The following ADAMTS20 variants were observed in gnomAD, a reference collection of about 807,000 sequenced individuals.
ADAMTS20 encodes ADAM metallopeptidase with thrombospondin type 1 motif 20, also known as A disintegrin and metalloproteinase with thrombospondin motifs 20.
A neutral mutation model predicts 260.1 loss-of-function variants in ADAMTS20; 225 were observed. The observed-to-expected ratio is 0.87, with a 90% CI of 0.78 to 0.97. The LOEUF (loss-of-function observed/expected upper bound fraction) is 0.97, where lower values mean the gene tolerates loss of function less well. Ranked by LOEUF, ADAMTS20 falls within the 50% of genes least tolerant of loss-of-function variation. ADAMTS20 has a pLI of 0.00. For missense variants in ADAMTS20, 2,400 were observed against 2,337.7 expected (o/e 1.03, Z -0.55); for synonymous variants, 802 against 769.5 (o/e 1.04, Z -0.70).
intron 29 of ADAMTS20, among the ~76,000 whole-genome samples, chr12:43,398,591 A>C (rs1303280227): frequency 6.6e-6 from 1 of 152,168 alleles, no homozygotes; most frequent in African/African-American, 2.4e-5. Flanking sequence ...GGTAGAAACA[A>C]GGCAGTTACT....
intron 14 of ADAMTS20, among the ~76,000 whole-genome samples, chr12:43,451,353 C>T (rs1332529942): frequency 6.6e-6 from 1 of 152,160 alleles, no homozygotes; most frequent in Non-Finnish European, 1.5e-5. Context: ...ATCTCATCTG[C>T]TCTGACCTAC....
At chr12:43,543,008 C>T (rs566536582) in intron 2 of ADAMTS20, among the ~76,000 whole-genome samples, 1 of 152,222 alleles carries the variant, frequency 6.6e-6, no homozygotes, top group Non-Finnish European at 1.5e-5. Flanking sequence ...AGGATCCCAG[C>T]CAAAACCAAG....
intron 31 of ADAMTS20, among the ~76,000 whole-genome samples, chr12:43,379,986 CA>C (rs60877406): frequency 0.1 from 14,696 of 144,334 alleles, 1,651 homozygotes; most frequent in African/African-American, 0.28. Context: ...ACAGACATCA[CA>C]AAAAAAAAAA....
intron 29 of ADAMTS20, among the ~76,000 whole-genome samples, chr12:43,389,631 G>C (rs1940555492): frequency 6.6e-6 from 1 of 152,226 alleles, no homozygotes; most frequent in South Asian, 2.1e-4. Context: ...TAGTGGTCTG[G>C]GGTCATGGGG....
chr12:43,495,526 ATACATAATGCTAGTTCTAG>A (rs1942665242), intron 4 of ADAMTS20, among the ~76,000 whole-genome samples: 1 of 152,236 alleles, frequency 6.6e-6, no homozygotes, highest in African/African-American at 2.4e-5. Context: ...AGATATAGAT[ATACATAATGCTAGTTCTAG>A]TACATGTGTT....
At chr12:43,441,134 C>A (rs1941658752) in intron 16 of ADAMTS20, among the ~76,000 whole-genome samples, 3 of 151,724 alleles carry the variant, frequency 2.0e-5, no homozygotes, top group Non-Finnish European at 4.4e-5. Context: ...CTATGCCATT[C>A]TCTATACAAA....
intron 12 of ADAMTS20, among the ~76,000 whole-genome samples, 192 bp from the exon 13 acceptor site, chr12:43,452,887 G>A (rs1340109110): frequency 6.6e-6 from 1 of 152,024 alleles, no homozygotes; most frequent in East Asian, 1.9e-4. Context: ...ACCTTAACGT[G>A]GACAGTGAGC....
intron 3 of ADAMTS20, among the ~76,000 whole-genome samples, chr12:43,526,100 C>A (rs1943138121): frequency 1.3e-5 from 2 of 152,210 alleles, no homozygotes; most frequent in Non-Finnish European, 2.9e-5. Context: ...GCACATGGAA[C>A]ATTTTCTAAG....
intron 7 of ADAMTS20, among the ~76,000 whole-genome samples, chr12:43,485,742 A>G (rs549429548): frequency 7.4e-4 from 113 of 152,250 alleles, no homozygotes; most frequent in Non-Finnish European, 2.6e-4. Context: ...CCAAATCAAC[A>G]TACACAAATC....
chr12:43,409,907 A>T (rs1475908207), intron 28 of ADAMTS20, among the ~76,000 whole-genome samples: 1 of 152,228 alleles, frequency 6.6e-6, no homozygotes, highest in Non-Finnish European at 1.5e-5. Flanking sequence ...ACAAGGGCAC[A>T]TTCAATAGGG....
At chr12:43,425,782 T>C in intron 27 of ADAMTS20, 92 bp from the exon 28 acceptor site, 2 of 850,662 alleles carry the variant, frequency 2.4e-6, no homozygotes, top group Admixed American at 3.8e-5. Context: ...AGTAATTATG[T>C]TTATTCTAGT....
Position 43,552,026 on chromosome 12 carries a change from C to T in ADAMTS20, c.-105G>A, listed in dbSNP as rs1456362868. ...CCTCTCCTCCCTCTCGCCCGCCGCT[C>T]TCCGCGCCTCAGCAGCCTAGGGAAC... On this transcript the variant is annotated 5_prime_UTR_variant, in exon 1 of 39. Coordinates refer to ENST00000389420, the MANE Select transcript of ADAMTS20 (RefSeq NM_025003.5). The T allele has an allele frequency of 1.0e-6, 1 of 966,318 alleles. No homozygotes were observed. 59.9% of individuals were successfully genotyped at this position (966,318 alleles called of 1,614,324 possible). A position where few individuals can be genotyped will look rare whatever the true frequency, so the allele number is the denominator to read the frequency against.
intron 23 of ADAMTS20, 133 bp from the exon 24 acceptor site, chr12:43,429,857 T>A: frequency 1.7e-6 from 1 of 595,612 alleles, no homozygotes; most frequent in African/African-American, 1.9e-5. Flanking sequence ...ATGAATGTTT[T>A]CATTTTCAAA....
chr12:43,390,449 A>G (rs1325109008), intron 29 of ADAMTS20, among the ~76,000 whole-genome samples: 1 of 152,178 alleles, frequency 6.6e-6, no homozygotes, highest in African/African-American at 2.4e-5. Context: ...CTTTTTTATT[A>G]ACAACTCCAT....
At position 43,427,388 on chromosome 12, in the gene ADAMTS20, C is replaced by T. The variant is rs374908169; in HGVS notation, c.4027G>A (p.Asp1343Asn). 49 of 1,613,822 alleles carry T rather than the reference C, an allele frequency of 3.0e-5. No individual in the cohort carries two copies. In the South Asian group the frequency reaches 3.2e-4, roughly 10 times the overall value. Residue 1343 changes from aspartate (D) to asparagine (N), a missense_variant, in exon 27 of 39, where the codon GAT (aspartate) becomes AAT (asparagine). By Grantham distance (23) the Asp-to-Asn change is conservative (BLOSUM62 1). Transcript: ENST00000389420. ...DENGQSASYC[D>N]AASKPPELQQ... ...AACTCTGGAGGCTTGGAGGCTGCAT[C>T]GCAGTAACTAGCACTTTGTCCATTT...
At chr12:43,531,211 G>C (rs1592112698) in intron 3 of ADAMTS20, among the ~76,000 whole-genome samples, 1 of 151,730 alleles carries the variant, frequency 6.6e-6, no homozygotes, top group South Asian at 2.1e-4. Flanking sequence ...AAGCAAAAAA[G>C]ATAAATCACA....
intron 37 of ADAMTS20, among the ~76,000 whole-genome samples, chr12:43,358,756 G>A (rs970931479): frequency 1.7e-4 from 25 of 145,144 alleles, no homozygotes; most frequent in Admixed American, 7.1e-5. Flanking sequence ...AGAATGGCGT[G>A]AACCCGGGAG....
chr12:43,369,930 G>C (rs1940070786), intron 36 of ADAMTS20, among the ~76,000 whole-genome samples: 1 of 151,658 alleles, frequency 6.6e-6, no homozygotes, highest in Admixed American at 6.6e-5. Flanking sequence ...TTTCCTGACT[G>C]GTAATAATGC....
intron 28 of ADAMTS20, among the ~76,000 whole-genome samples, chr12:43,411,779 C>T (rs1482965079): frequency 6.6e-6 from 1 of 152,130 alleles, no homozygotes; most frequent in Non-Finnish European, 1.5e-5. Context: ...TATAAAGAAA[C>T]ATTTCCTCAA....
Sources: gnomAD v4.1 joint callset for allele counts (sites outside exome capture counted in the v4.1 genomes callset) on GRCh38, gnomAD v4.1.1 for gene constraint, MANE v1.5 for transcripts, NCBI Gene and HGNC (gene_info 2026-07-23, HGNC 2026-07-21) for gene names.